The following RNF168 variants were observed in gnomAD, a reference collection of about 807,000 sequenced individuals.
RNF168 encodes the protein E3 ubiquitin-protein ligase RNF168.
A neutral mutation model predicts 34.9 loss-of-function variants in RNF168; 34 were observed. The observed-to-expected ratio is 0.97, with a 90% CI of 0.74 to 1.30. The LOEUF is 1.30. Ranked by LOEUF, RNF168 falls within the 50% of genes most tolerant of loss-of-function variation. The pLI, the probability that RNF168 is intolerant of heterozygous loss-of-function variation, is 0.00. For missense variants in RNF168, 725 were observed against 682.5 expected, an observed-to-expected ratio of 1.06 and a Z score of -0.69; for synonymous variants, 264 against 254.7, an observed-to-expected ratio of 1.04 and a Z score of -0.35.
At chr3:196,499,303 A>G (rs1732824510) in intron 1 of RNF168, among the ~76,000 whole-genome samples, 1 of 152,116 alleles carries the variant, frequency 6.6e-6, no homozygotes, top group Non-Finnish European at 1.5e-5. Context: ...TTCCAGCCAC[A>G]CCAGAAGCTA....
intron 1 of RNF168, among the ~76,000 whole-genome samples, chr3:196,500,764 T>G (rs1023862059): frequency 6.6e-6 from 1 of 151,664 alleles, no homozygotes; most frequent in African/African-American, 2.4e-5. Flanking sequence ...CAGGCTGGAG[T>G]GCGGTGGCGT....
At chr3:196,494,961 TAC>T (rs1732701228) in intron 1 of RNF168, among the ~76,000 whole-genome samples, 1 of 152,014 alleles carries the variant, frequency 6.6e-6, no homozygotes, top group Non-Finnish European at 1.5e-5. Flanking sequence ...CGGTGGAGGG[TAC>T]AGTGAGCCAA....
At chr3:196,475,424 A>G in intron 4 of RNF168, 112 bp from the exon 5 acceptor site, 2 of 713,300 alleles carry the variant, frequency 2.8e-6, no homozygotes. Context: ...TGGCTGTTTT[A>G]TCAGAGTGTA....
chr3:196,484,000 G>T, intron 3 of RNF168, 109 bp from the exon 4 acceptor site: 1 of 859,550 alleles, frequency 1.2e-6, no homozygotes, highest in Non-Finnish European at 1.9e-6. Flanking sequence ...AGAAATTATA[G>T]TTATATTTAA....
In RNF168 at chr3:196,503,234, C is replaced by A; in HGVS notation, c.-61G>T. ...CCTGCACGAAAAAGAATCCTATTTT[C>A]GGCCAACCACAGAGAGAGCAAAAGC... On this transcript the variant is annotated 5_prime_UTR_variant, in exon 1 of 6. Transcript: ENST00000318037. 6.8e-7 allele frequency: 1 copy of A among 1,475,564 alleles called. No homozygotes were observed. Among genetic ancestry groups the A allele is most frequent in the Non-Finnish European group, 9.5e-7 (1 of 1,056,788 alleles). 91.4% of individuals were successfully genotyped at this position (1,475,564 alleles called of 1,614,324 possible).
intron 4 of RNF168, among the ~76,000 whole-genome samples, chr3:196,480,280 A>G (rs997964786): frequency 1.3e-5 from 2 of 152,244 alleles, no homozygotes; most frequent in African/African-American, 4.8e-5. Context: ...AAGTTTAAAA[A>G]TCTGTATTAC....
rs1731984144 is a variant in RNF168 at position 196,470,977 on chromosome 3, A to C, written c.*842T>G. The C allele has an allele frequency of 6.6e-6, 1 of 151,876 alleles. No individual in the cohort carries two copies. The highest frequency in any genetic ancestry group is 1.5e-5 in the Non-Finnish European group (1 of 68,150). The allele number at this position is 151,876 out of a possible 1,614,324, so 9.4% of individuals were successfully genotyped here. On this transcript the variant is annotated 3_prime_UTR_variant, in exon 6 of 6. Transcript: ENST00000318037. The stretch of plus-strand genomic sequence containing the variant: ...TGGATCACCTGAGGACAGGAGTTCA[A>C]GACCAGCCTGGCCAACATGGTGAAA...
chr3:196,488,564 C>G (rs750500090), intron 2 of RNF168, 43 bp downstream of exon 2: 1 of 1,087,782 alleles, frequency 9.2e-7, no homozygotes, highest in Non-Finnish European at 1.4e-6. Flanking sequence ...ACTAAAAACA[C>G]AGCAGAGAAA....
At chr3:196,500,900 A>T (rs1560278112) in intron 1 of RNF168, among the ~76,000 whole-genome samples, 1 of 151,502 alleles carries the variant, frequency 6.6e-6, no homozygotes, top group African/African-American at 2.4e-5. Flanking sequence ...TTTAGTAGAG[A>T]GGGGGTTTCA....
chr3:196,485,597 T>C (rs991602067), intron 3 of RNF168, among the ~76,000 whole-genome samples: 1 of 152,160 alleles, frequency 6.6e-6, no homozygotes, highest in Non-Finnish European at 1.5e-5. Context: ...TATTATTCCA[T>C]TGGTCAATGA....
chr3:196,491,838 C>T (rs534270775), intron 1 of RNF168, among the ~76,000 whole-genome samples: 25 of 152,122 alleles, frequency 1.6e-4, no homozygotes, highest in South Asian at 6.2e-4. Context: ...TGCTAGAACA[C>T]GATGGACCTT....
At position 196,483,855 on chromosome 3, in the gene RNF168, A is replaced by G; in HGVS notation, c.595T>C (p.Leu199=). 1.2e-6 allele frequency: 2 copies of G among 1,609,966 alleles called. No homozygotes were observed. Among genetic ancestry groups the G allele is most frequent in the Non-Finnish European group, 8.5e-7 (1 of 1,176,234 alleles). The change falls in exon 4 of 6, where the codon TTG becomes CTG. Residue 199 remains leucine (L), a synonymous_variant. Transcript: ENST00000318037. ...FCEGSISASP[L]NSRKSDPVTP... Reference sequence around the variant, plus strand: ...ACTGGATCAGATTTTCTGGAATTCAAGGGAGAAGCCGAGATACTTCCCTCA... The same window carrying G: ...ACTGGATCAGATTTTCTGGAATTCAGGGGAGAAGCCGAGATACTTCCCTCA...
At chr3:196,493,720 G>C (rs1048021426) in intron 1 of RNF168, among the ~76,000 whole-genome samples, 1 of 151,990 alleles carries the variant, frequency 6.6e-6, no homozygotes, top group African/African-American at 2.4e-5. Flanking sequence ...AGAGACGGGG[G>C]TTTTACCATG....
At chr3:196,477,058 A>G (rs1406474124) in intron 4 of RNF168, among the ~76,000 whole-genome samples, 2 of 152,154 alleles carry the variant, frequency 1.3e-5, no homozygotes, top group Non-Finnish European at 2.9e-5. Context: ...ATATCTTTAC[A>G]TTTCTAAGAA....
intron 1 of RNF168, among the ~76,000 whole-genome samples, chr3:196,489,283 C>G (rs959488268): frequency 6.6e-6 from 1 of 151,906 alleles, no homozygotes; most frequent in South Asian, 2.1e-4. Flanking sequence ...AAACTGTAAT[C>G]CTACAACAGC....
intron 1 of RNF168, among the ~76,000 whole-genome samples, chr3:196,491,532 A>G (rs1443791393): frequency 3.5e-5 from 5 of 141,406 alleles, no homozygotes; most frequent in Non-Finnish European, 7.7e-5. Context: ...TGTAATTCCA[A>G]CTACTCGAGA....
chr3:196,494,641 A>G (rs1732693100), intron 1 of RNF168, among the ~76,000 whole-genome samples: 1 of 152,198 alleles, frequency 6.6e-6, no homozygotes, highest in African/African-American at 2.4e-5. Context: ...TAAAAAATAA[A>G]AAGCCCAAAG....
At position 196,472,691 on chromosome 3, in the gene RNF168, A is replaced by C. The variant is rs753020221; in HGVS notation, c.844T>G (p.Ser282Ala). 1.2e-6 allele frequency: 2 copies of C among 1,606,524 alleles called. No homozygotes were observed. The highest frequency in any genetic ancestry group is 1.7e-6 in the Non-Finnish European group (2 of 1,173,610). ...EDMPTLSPQI[S>A]LGVGEQGADS... The stretch of plus-strand genomic sequence containing the variant: ...GCACCTTGTTCTCCAACTCCAAGGG[A>C]TATCTGTGGAGAAAGTGTCGGCATA... The change falls in exon 6 of 6, where the codon TCC becomes GCC. Residue 282 changes from serine to alanine, a missense_variant. Physicochemically the swap from Ser to Ala is moderately conservative, Grantham distance 99. Transcript: ENST00000318037.
rs546674319 is a variant in RNF168, at chr3:196,484,135, C to A, written c.559-244G>T. ...AGCACAAAATAAGGCATAATACTAA[C>A]CTCATTAGCTGATAATTCCTGTTGA... On this transcript the variant is annotated intron_variant, in intron 3 of 5. Coordinates refer to ENST00000318037, the MANE Select transcript of RNF168 (RefSeq NM_152617.4). Among the ~76,000 whole-genome samples, 12 of 150,648 alleles carry A rather than the reference C, an allele frequency of 8.0e-5. No individual in the cohort carries two copies. In the South Asian group the frequency reaches 2.5e-3, roughly 31 times the overall value.
Sources: allele counts gnomAD v4.1 joint callset (sites outside exome capture counted in the v4.1 genomes callset), GRCh38; gene constraint gnomAD v4.1.1; transcripts MANE v1.5; gene names NCBI Gene and HGNC (gene_info 2026-07-23, HGNC 2026-07-21).